The following TENT4A variants were observed in gnomAD, a reference collection of about 807,000 sequenced individuals.
TENT4A encodes DNA polymerase kappa.
A neutral mutation model predicts 72.8 loss-of-function variants in TENT4A; 7 were observed. The ratio of observed to expected loss-of-function variants is 0.10; its 90% CI spans 0.05 to 0.18. The LOEUF (loss-of-function observed/expected upper bound fraction) is 0.18, where lower values mean the gene tolerates loss of function less well. TENT4A is among the 10% of genes least tolerant of loss of function. The probability of loss-of-function intolerance (pLI) is 1.00; values close to 1 mark genes in which losing one functional copy is unlikely to be tolerated. For missense variants in TENT4A, 831 were observed against 1,017.7 expected (o/e 0.82, Z 2.50); for synonymous variants, 456 against 434.3 (o/e 1.05, Z -0.62).
At chr5:6,716,446 C>G (rs144667733) in intron 1 of TENT4A, among the ~76,000 whole-genome samples, 59 of 152,332 alleles carry the variant, frequency 3.9e-4, no homozygotes, top group Non-Finnish European at 6.5e-4. Context: ...TTTAATCTCT[C>G]CACACCTCAT....
chr5:6,756,156 G>A lies in TENT4A; in HGVS notation c.*1211G>A, dbSNP rs1742686987. On this transcript the variant is annotated 3_prime_UTR_variant, in exon 13 of 13. Coordinates refer to ENST00000230859, the MANE Select transcript of TENT4A (RefSeq NM_006999.6). ...AGAGCACAGCCCAGCGTTGGGGCCGGGACCGCTGGCGCCCGACGTCGGAAG... is the reference window on the plus strand; with the variant it reads ...AGAGCACAGCCCAGCGTTGGGGCCGAGACCGCTGGCGCCCGACGTCGGAAG... 1 of 152,602 alleles carries A rather than the reference G, an allele frequency of 6.6e-6. No homozygotes were observed. The allele number at this position is 152,602 out of a possible 1,614,324, so 9.5% of individuals were successfully genotyped here.
intron 6 of TENT4A, among the ~76,000 whole-genome samples, chr5:6,744,255 G>A (rs1016621516): frequency 7.9e-5 from 12 of 152,234 alleles, no homozygotes; most frequent in Admixed American, 7.2e-4. Context: ...TTCTCAGACT[G>A]ATGAAACATC....
intron 1 of TENT4A, among the ~76,000 whole-genome samples, chr5:6,726,918 ACCGGTC>A (rs1740956141): frequency 1.3e-5 from 2 of 151,968 alleles, no homozygotes; most frequent in Admixed American, 1.3e-4. Context: ...ATACTTTGTT[ACCGGTC>A]CCATCTTCCT....
At chr5:6,749,445 C>G in intron 8 of TENT4A, 112 bp from the exon 9 acceptor site, 1 of 678,072 alleles carries the variant, frequency 1.5e-6, no homozygotes, top group Non-Finnish European at 2.7e-6. Context: ...TTCCTACTGT[C>G]CTTCACCTAG....
intron 1 of TENT4A, among the ~76,000 whole-genome samples, chr5:6,728,005 G>T (rs1741022114): frequency 6.6e-6 from 1 of 152,192 alleles, no homozygotes; most frequent in Admixed American, 6.5e-5. Context: ...TACTTACTTT[G>T]TGTAATTGGT....
Position 6,752,969 on chromosome 5 carries a change from CA to C in TENT4A, c.2117del (p.His706ProfsTer28). 6.2e-7 allele frequency: 1 copy of C among 1,614,204 alleles called. No homozygotes were observed. The highest frequency in any genetic ancestry group is 8.5e-7 in the Non-Finnish European group (1 of 1,180,044). Reference sequence around the variant, plus strand: ...AACTGCGTCTTTGAAAGCCGTCCACCACATGTCTTCCCCGGCCATTCCCTCA... The same window carrying C: ...AACTGCGTCTTTGAAAGCCGTCCACCCATGTCTTCCCCGGCCATTCCCTCA... ...EGTASLKAVH[H>X]MSSPAIPSAS... is the part of the protein sequence containing the mutation. On this transcript the variant is annotated frameshift_variant, in exon 12 of 13. Coordinates refer to ENST00000230859, the MANE Select transcript of TENT4A (RefSeq NM_006999.6). LOFTEE classifies it high-confidence loss of function.
At chr5:6,716,000 C>T (rs997586131) in intron 1 of TENT4A, among the ~76,000 whole-genome samples, 7 of 152,124 alleles carry the variant, frequency 4.6e-5, no homozygotes, top group African/African-American at 1.4e-4. Context: ...TGGGGAGGAC[C>T]TTTAGGTTTC....
rs200922528 is a variant in TENT4A at position 6,750,467 on chromosome 5, G to A, written c.1824G>A (p.Ser608=). 2.3e-4 allele frequency: 367 copies of A among 1,606,738 alleles called. 2 individuals carry two copies. Among genetic ancestry groups the A allele is most frequent in the Non-Finnish European group, 8.2e-5 (97 of 1,176,756 alleles). The change falls in exon 10 of 13, where the codon TCG becomes TCA. Residue 608 remains serine (S), a synonymous_variant. Coordinates refer to ENST00000230859, the MANE Select transcript of TENT4A (RefSeq NM_006999.6). Reference sequence around the variant, plus strand: ...CCCAGCTCCTGTCTTCAGGCTCCTCGGCCTCTTCTGTGTCTTCACTTTCTG... The same window carrying A: ...CCCAGCTCCTGTCTTCAGGCTCCTCAGCCTCTTCTGTGTCTTCACTTTCTG... ...SSPQLLSSGS[S]ASSVSSLSGS...
chr5:6,750,410 T>C lies in TENT4A; in HGVS notation c.1767T>C (p.Tyr589=), dbSNP rs748697385. The C allele has an allele frequency of 1.9e-6, 3 of 1,613,546 alleles. No homozygotes were observed. Among genetic ancestry groups the C allele is most frequent in the South Asian group, 2.2e-5 (2 of 91,014 alleles). ...QTQNREPESP[Y]GQRLTLSLSS... ...AGAACCGAGAGCCCGAGTCTCCCTATGGCCAGCGCTTGACTTTGTCGCTGT... is the reference window on the plus strand; with the variant it reads ...AGAACCGAGAGCCCGAGTCTCCCTACGGCCAGCGCTTGACTTTGTCGCTGT... The change falls in exon 10 of 13, where the codon TAT becomes TAC. Residue 589 remains tyrosine (Y), a synonymous_variant. Coordinates refer to ENST00000230859, the MANE Select transcript of TENT4A (RefSeq NM_006999.6).
At chr5:6,721,679 CAGA>C (rs1740662379) in intron 1 of TENT4A, among the ~76,000 whole-genome samples, 1 of 152,148 alleles carries the variant, frequency 6.6e-6, no homozygotes, top group African/African-American at 2.4e-5. Flanking sequence ...TGGATCTCTG[CAGA>C]AGTTTATCCA....
intron 3 of TENT4A, among the ~76,000 whole-genome samples, chr5:6,738,975 TATG>T (rs879390361): frequency 4.6e-5 from 7 of 152,312 alleles, no homozygotes; most frequent in African/African-American, 1.7e-4. Flanking sequence ...ATGCTGGAAA[TATG>T]AAGAAGACAG....
intron 1 of TENT4A, among the ~76,000 whole-genome samples, chr5:6,736,246 T>C (rs1467761048): frequency 6.6e-6 from 1 of 152,164 alleles, no homozygotes; most frequent in Non-Finnish European, 1.5e-5. Flanking sequence ...ATGACTCTTT[T>C]GGCGGGGTGG....
At chr5:6,723,441 C>G (rs1005921815) in intron 1 of TENT4A, among the ~76,000 whole-genome samples, 1 of 136,752 alleles carries the variant, frequency 7.3e-6, no homozygotes, top group Non-Finnish European at 1.5e-5. Flanking sequence ...CACGAGTTTG[C>G]TCCTTTAGTT....
At chr5:6,718,796 T>A (rs1740509505) in intron 1 of TENT4A, among the ~76,000 whole-genome samples, 1 of 152,176 alleles carries the variant, frequency 6.6e-6, no homozygotes, top group African/African-American at 2.4e-5. Context: ...GAGGAAAGTT[T>A]TGCTGGAGAC....
chr5:6,721,019 C>G (rs1740622399), intron 1 of TENT4A, among the ~76,000 whole-genome samples: 1 of 152,202 alleles, frequency 6.6e-6, no homozygotes, highest in African/African-American at 2.4e-5. Flanking sequence ...CAAGAAAACT[C>G]CCACACGGTT....
chr5:6,746,143 C>T (rs1316850157), intron 6 of TENT4A, 71 bp from the exon 7 acceptor site: 1 of 1,609,254 alleles, frequency 6.2e-7, no homozygotes, highest in African/African-American at 1.3e-5. Flanking sequence ...GGACAGCAGA[C>T]TTCGTCGCGT....
intron 1 of TENT4A, among the ~76,000 whole-genome samples, chr5:6,716,596 A>G (rs1740400457): frequency 6.6e-6 from 1 of 152,056 alleles, no homozygotes; most frequent in Admixed American, 6.5e-5. Flanking sequence ...GTCTGGTCAG[A>G]TTCCCCTTCA....
intron 1 of TENT4A, among the ~76,000 whole-genome samples, chr5:6,736,640 A>T (rs1741520838): frequency 6.6e-6 from 1 of 152,184 alleles, no homozygotes; most frequent in Non-Finnish European, 1.5e-5. Flanking sequence ...CTCAGCCTTA[A>T]CTCATGACAT....
chr5:6,728,702 T>C (rs1417297210), intron 1 of TENT4A, among the ~76,000 whole-genome samples: 1 of 152,226 alleles, frequency 6.6e-6, no homozygotes, highest in Non-Finnish European at 1.5e-5. Flanking sequence ...GGTGTGACTT[T>C]AGTGTAAAGG....
Sources: gnomAD v4.1 joint callset for allele counts (sites outside exome capture counted in the v4.1 genomes callset) on GRCh38, gnomAD v4.1.1 for gene constraint, MANE v1.5 for transcripts, NCBI Gene and HGNC (gene_info 2026-07-23, HGNC 2026-07-21) for gene names.